Variants in MRPS28 observed in about 807,000 individuals in gnomAD.
The protein encoded by MRPS28 is mitochondrial ribosomal protein S28, also known as small ribosomal subunit protein bS1m.
MRPS28 carries 7 observed loss-of-function variants against 10.8 expected under a neutral mutation model. The observed-to-expected ratio is 0.65, with a 90% confidence interval of 0.37 to 1.22. The LOEUF (loss-of-function observed/expected upper bound fraction) is 1.22. Ranked by LOEUF, MRPS28 falls within the 50% of genes most tolerant of loss-of-function variation. MRPS28 has a pLI of 0.02. For synonymous variants in MRPS28, 121 were observed against 93.3 expected, an observed-to-expected ratio of 1.30 and a Z score of -1.71; for missense variants, 265 against 232.9, an observed-to-expected ratio of 1.14 and a Z score of -0.90.
At chr8:79,970,359 C>T (rs1807601434) in intron 2 of MRPS28, among the ~76,000 whole-genome samples, 7 of 152,168 alleles carry the variant, frequency 4.6e-5, no homozygotes, top group Admixed American at 4.6e-4. Context: ...CAGTGCTCTA[C>T]ATGTAGAAAA....
chr8:79,920,334 T>G (rs1454135129), intron 2 of MRPS28, among the ~76,000 whole-genome samples: 2 of 152,174 alleles, frequency 1.3e-5, no homozygotes, highest in Non-Finnish European at 2.9e-5. Context: ...TCAAATGGTA[T>G]TTCTAGTTCT....
At chr8:79,965,665 T>C (rs549490792) in intron 2 of MRPS28, among the ~76,000 whole-genome samples, 1 of 152,236 alleles carries the variant, frequency 6.6e-6, no homozygotes, top group African/African-American at 2.4e-5. Flanking sequence ...CGCTTATGAA[T>C]TTTATCTTAC....
At chr8:79,987,745 T>C (rs1357894508) in intron 2 of MRPS28, among the ~76,000 whole-genome samples, 2 of 152,164 alleles carry the variant, frequency 1.3e-5, no homozygotes, top group Admixed American at 6.5e-5. Flanking sequence ...TCACACGAGT[T>C]AGAATGGCAA....
Position 79,923,790 on chromosome 8 carries a change from C to T in MRPS28, c.396-4642G>A, listed in dbSNP as rs545706617. On this transcript the variant is annotated intron_variant, in intron 2 of 2. Transcript: ENST00000276585. Reference sequence around the variant, plus strand: ...TCTCAGCCTTTACCAAGACTGCTCTCTTCCACTGTGCACTTTCTCAGGCCA... The same window carrying T: ...TCTCAGCCTTTACCAAGACTGCTCTTTTCCACTGTGCACTTTCTCAGGCCA... Among the ~76,000 whole-genome samples the T allele has an allele frequency of 1.2e-3, 178 of 152,290 alleles. 1 individual carries two copies. The highest frequency in any genetic ancestry group is 3.4e-3 in the Middle Eastern group (1 of 294).
chr8:79,996,755 G>A (rs998951295), intron 2 of MRPS28, among the ~76,000 whole-genome samples: 2 of 152,202 alleles, frequency 1.3e-5, no homozygotes, highest in Admixed American at 6.5e-5. Context: ...GAGCTTCACT[G>A]CCACACTGCC....
intron 1 of MRPS28, among the ~76,000 whole-genome samples, chr8:80,024,648 C>T (rs1458854633): frequency 1.3e-5 from 2 of 152,128 alleles, no homozygotes; most frequent in East Asian, 1.9e-4. Flanking sequence ...TAATAATAGG[C>T]CATCTGAGAT....
At chr8:80,012,816 T>C (rs375898684) in intron 1 of MRPS28, among the ~76,000 whole-genome samples, 1 of 152,328 alleles carries the variant, frequency 6.6e-6, no homozygotes, top group African/African-American at 2.4e-5. Flanking sequence ...TCATCAAACA[T>C]GTGTTGTCTT....
intron 2 of MRPS28, among the ~76,000 whole-genome samples, chr8:79,968,378 T>C (rs1295223461): frequency 6.6e-6 from 1 of 152,142 alleles, no homozygotes; most frequent in Non-Finnish European, 1.5e-5. Flanking sequence ...TCATCCTAGA[T>C]TTTCTCAATC....
At chr8:79,924,716 A>G (rs1010766856) in intron 2 of MRPS28, among the ~76,000 whole-genome samples, 3 of 152,202 alleles carry the variant, frequency 2.0e-5, no homozygotes, top group Non-Finnish European at 2.9e-5. Flanking sequence ...TTCAATTAAC[A>G]AATGAATCTT....
chr8:79,938,952 TC>T (rs994518754), intron 2 of MRPS28, among the ~76,000 whole-genome samples: 26 of 152,292 alleles, frequency 1.7e-4, no homozygotes, highest in African/African-American at 6.3e-4. Context: ...GATGGGGGAT[TC>T]CTTGGATGTG....
intron 2 of MRPS28, among the ~76,000 whole-genome samples, chr8:79,932,466 C>T (rs767725353): frequency 1.2e-4 from 19 of 152,074 alleles, no homozygotes. Flanking sequence ...CGTTCAAAAC[C>T]AAAAGGCCAG....
At chr8:79,972,886 T>C (rs562483796) in intron 2 of MRPS28, among the ~76,000 whole-genome samples, 25 of 152,288 alleles carry the variant, frequency 1.6e-4, no homozygotes, top group African/African-American at 2.4e-4. Flanking sequence ...ATTCAAAATA[T>C]TGGGAGATCT....
At chr8:80,015,380 T>C (rs1402961040) in intron 1 of MRPS28, among the ~76,000 whole-genome samples, 1 of 152,206 alleles carries the variant, frequency 6.6e-6, no homozygotes, top group Non-Finnish European at 1.5e-5. Context: ...GCCTAAACAC[T>C]TGTCAGAGCC....
At chr8:79,943,657 G>A (rs1371018249) in intron 2 of MRPS28, among the ~76,000 whole-genome samples, 2 of 152,190 alleles carry the variant, frequency 1.3e-5, no homozygotes, top group African/African-American at 4.8e-5. Context: ...TGAATTTGAA[G>A]AGGACAGTAA....
intron 2 of MRPS28, among the ~76,000 whole-genome samples, chr8:79,972,860 T>C (rs184172352): frequency 1.4e-3 from 217 of 152,320 alleles, no homozygotes; most frequent in Middle Eastern, 0.01. Flanking sequence ...ACAAGGGCTA[T>C]AGATAAATGT....
At chr8:80,021,043 G>A (rs911499847) in intron 1 of MRPS28, among the ~76,000 whole-genome samples, 4 of 148,296 alleles carry the variant, frequency 2.7e-5, no homozygotes, top group Non-Finnish European at 4.4e-5. Flanking sequence ...TCTTTCTGGC[G>A]CTAGGCTGGA....
chr8:79,993,632 C>T (rs779529160), intron 2 of MRPS28, among the ~76,000 whole-genome samples: 12 of 152,082 alleles, frequency 7.9e-5, no homozygotes, highest in South Asian at 2.1e-4. Flanking sequence ...CTAAATATAA[C>T]GGATGCTCTT....
chr8:79,940,203 C>T (rs1806730665), intron 2 of MRPS28, among the ~76,000 whole-genome samples: 1 of 152,024 alleles, frequency 6.6e-6, no homozygotes, highest in South Asian at 2.1e-4. Context: ...GGTTTTAAAA[C>T]AGGTTTCATG....
At chr8:79,989,391 G>T (rs895289742) in intron 2 of MRPS28, among the ~76,000 whole-genome samples, 27 of 152,066 alleles carry the variant, frequency 1.8e-4, no homozygotes, top group Non-Finnish European at 2.6e-4. Context: ...AGGAGATAAG[G>T]TTATCTTCTA....
Sources: allele counts gnomAD v4.1 joint callset (sites outside exome capture counted in the v4.1 genomes callset), GRCh38; gene constraint gnomAD v4.1.1; transcripts MANE v1.5; gene names NCBI Gene and HGNC (gene_info 2026-07-23, HGNC 2026-07-21).